The following RSRC1 variants were observed in gnomAD, a reference collection of about 807,000 sequenced individuals.
The protein encoded by RSRC1 is arginine and serine rich coiled-coil 1.
Under a neutral mutation model 49.1 loss-of-function variants are expected in RSRC1, and 39 were observed. That is an observed-to-expected ratio of 0.79 (90% CI 0.61 to 1.04). The LOEUF (loss-of-function observed/expected upper bound fraction) is 1.04. Among genes scored for constraint, RSRC1 ranks in the 50% least tolerant of loss-of-function variants. The probability of loss-of-function intolerance (pLI) is 0.00; values close to 1 mark genes in which losing one functional copy is unlikely to be tolerated. For missense variants in RSRC1, 388 were observed against 402.4 expected (o/e 0.96, Z 0.31); for synonymous variants, 143 against 130.8 (o/e 1.09, Z -0.63).
At chr3:158,322,883 C>G (rs542920134) in intron 5 of RSRC1, among the ~76,000 whole-genome samples, 3 of 152,280 alleles carry the variant, frequency 2.0e-5, no homozygotes, top group African/African-American at 7.2e-5. Context: ...TCTGCCATCT[C>G]AGATCTGTTA....
chr3:158,503,614 C>T (rs1739712800), intron 7 of RSRC1, among the ~76,000 whole-genome samples: 1 of 152,038 alleles, frequency 6.6e-6, no homozygotes, highest in South Asian at 2.1e-4. Context: ...AGTTGAGTAC[C>T]TAGGAGGATT....
In RSRC1 at chr3:158,396,697, A is replaced by G. The variant is rs190524165; in HGVS notation, c.583+41789A>G. Among the ~76,000 whole-genome samples, 5 of 152,252 alleles carry G rather than the reference A, an allele frequency of 3.3e-5. No homozygotes were observed. The East Asian group carries it at 9.6e-4, about 29-fold the overall frequency. On this transcript the variant is annotated intron_variant, in intron 6 of 9. Transcript: ENST00000611884. Reference sequence around the variant, plus strand: ...TGAGTAGGATAGTAAAATTGAGTTTAGGATATCTGAAGGACACAAGAATGT... The same window carrying G: ...TGAGTAGGATAGTAAAATTGAGTTTGGGATATCTGAAGGACACAAGAATGT...
intron 8 of RSRC1, 36 bp from the exon 9 acceptor site, chr3:158,543,299 T>C: frequency 6.9e-7 from 1 of 1,457,242 alleles, no homozygotes. Flanking sequence ...TCTAATTGTG[T>C]ATTGTGTTGA....
At chr3:158,500,988 G>A (rs1237387109) in intron 7 of RSRC1, among the ~76,000 whole-genome samples, 1 of 151,962 alleles carries the variant, frequency 6.6e-6, no homozygotes, top group Admixed American at 6.5e-5. Flanking sequence ...TTTTGATGTA[G>A]GTGTTTAGGG....
At chr3:158,120,178 T>C (rs1376640695) in intron 1 of RSRC1, among the ~76,000 whole-genome samples, 3 of 152,220 alleles carry the variant, frequency 2.0e-5, no homozygotes, top group Admixed American at 2.0e-4. Context: ...ATCTTTTACC[T>C]ATTGTAGTTT....
At chr3:158,497,506 G>C (rs917619782) in intron 7 of RSRC1, among the ~76,000 whole-genome samples, 1 of 148,952 alleles carries the variant, frequency 6.7e-6, no homozygotes, top group African/African-American at 2.5e-5. Flanking sequence ...GCTCAATCTC[G>C]GCTCACTGCA....
intron 6 of RSRC1, among the ~76,000 whole-genome samples, chr3:158,442,313 A>T (rs1470869808): frequency 6.6e-6 from 1 of 152,146 alleles, no homozygotes; most frequent in Admixed American, 6.6e-5. Context: ...TTCTTTCAAC[A>T]TTGGAGTCAA....
intron 7 of RSRC1, among the ~76,000 whole-genome samples, chr3:158,472,871 T>C (rs1046887653): frequency 6.6e-6 from 1 of 152,096 alleles, no homozygotes; most frequent in Non-Finnish European, 1.5e-5. Flanking sequence ...TCAATTTTGG[T>C]TTTTGTTACC....
chr3:158,350,762 GTTTA>G (rs1730828684), intron 5 of RSRC1, among the ~76,000 whole-genome samples: 1 of 151,964 alleles, frequency 6.6e-6, no homozygotes, highest in Non-Finnish European at 1.5e-5. Flanking sequence ...TGGTAATACT[GTTTA>G]TTCATTAAGG....
intron 5 of RSRC1, among the ~76,000 whole-genome samples, chr3:158,302,003 T>G (rs1727576727): frequency 7.0e-6 from 1 of 143,018 alleles, no homozygotes; most frequent in Non-Finnish European, 1.5e-5. Flanking sequence ...TTTTTTTTTT[T>G]GTTGTTGTTA....
intron 3 of RSRC1, among the ~76,000 whole-genome samples, chr3:158,169,462 C>G (rs1040680581): frequency 1.3e-5 from 2 of 152,154 alleles, no homozygotes; most frequent in Non-Finnish European, 2.9e-5. Context: ...GCTATATCTC[C>G]TAGCCTGTTG....
At chr3:158,207,430 A>G (rs1721402975) in intron 4 of RSRC1, among the ~76,000 whole-genome samples, 1 of 152,058 alleles carries the variant, frequency 6.6e-6, no homozygotes, top group South Asian at 2.1e-4. Flanking sequence ...TATTTTAGTG[A>G]TGGTTTCATT....
chr3:158,400,277 T>C (rs1456758186), intron 6 of RSRC1, among the ~76,000 whole-genome samples: 1 of 152,110 alleles, frequency 6.6e-6, no homozygotes, highest in Non-Finnish European at 1.5e-5. Context: ...TAAACAAACT[T>C]CCTGCAGTGC....
At chr3:158,293,036 T>C (rs971223293) in intron 4 of RSRC1, among the ~76,000 whole-genome samples, 1 of 152,116 alleles carries the variant, frequency 6.6e-6, no homozygotes, top group Non-Finnish European at 1.5e-5. Context: ...CTGTGTTGTT[T>C]TGAGGTGGTC....
chr3:158,195,863 G>C (rs1720572055), intron 3 of RSRC1, among the ~76,000 whole-genome samples: 1 of 152,024 alleles, frequency 6.6e-6, no homozygotes, highest in South Asian at 2.1e-4. Context: ...CTATATCTCT[G>C]TTTTGGTAGC....
chr3:158,456,905 T>C (rs1737357840), intron 6 of RSRC1, among the ~76,000 whole-genome samples: 1 of 152,170 alleles, frequency 6.6e-6, no homozygotes. Context: ...GGGTTTTAAA[T>C]GGTATGTGAA....
intron 7 of RSRC1, among the ~76,000 whole-genome samples, chr3:158,471,490 G>T (rs1228052542): frequency 1.3e-5 from 2 of 152,278 alleles, no homozygotes; most frequent in East Asian, 3.9e-4. Context: ...GAGAAGGAGA[G>T]ATCAGGGTAA....
intron 7 of RSRC1, among the ~76,000 whole-genome samples, chr3:158,513,771 T>A (rs1260567299): frequency 6.6e-6 from 1 of 152,242 alleles, no homozygotes; most frequent in Admixed American, 6.5e-5. Flanking sequence ...GTTGGTAAGC[T>A]ATTGATTATT....
intron 6 of RSRC1, among the ~76,000 whole-genome samples, chr3:158,381,056 C>T (rs897921761): frequency 2.0e-5 from 3 of 152,008 alleles, no homozygotes; most frequent in African/African-American, 4.8e-5. Flanking sequence ...GAAAAAGTCA[C>T]GTATGTCGTG....
Sources: gnomAD v4.1 joint callset for allele counts (sites outside exome capture counted in the v4.1 genomes callset) on GRCh38, gnomAD v4.1.1 for gene constraint, MANE v1.5 for transcripts, NCBI Gene and HGNC (gene_info 2026-07-23, HGNC 2026-07-21) for gene names.